HLCS: variants seen among roughly 807,000 people sequenced by gnomAD.
HLCS encodes holocarboxylase synthetase, also known as biotin--protein ligase.
A neutral mutation model predicts 75.0 loss-of-function variants in HLCS; 53 were observed. That is an observed-to-expected ratio of 0.71 (90% CI 0.57 to 0.89). The LOEUF (loss-of-function observed/expected upper bound fraction) is 0.89. HLCS is among the 40% of genes least tolerant of loss of function. The pLI is 0.00. For synonymous variants in HLCS, 431 were observed against 428.6 expected (o/e 1.01, Z -0.07); for missense variants, 966 against 1,074.0 (o/e 0.90, Z 1.41).
At chr21:36,944,379 A>G (rs1186099527) in intron 2 of HLCS, among the ~76,000 whole-genome samples, 2 of 152,204 alleles carry the variant, frequency 1.3e-5, no homozygotes, top group African/African-American at 4.8e-5. Context: ...TTGAATAGAA[A>G]GAGGCGCAAG....
chr21:36,936,098 G>A (rs1392617150), intron 4 of HLCS, among the ~76,000 whole-genome samples: 1 of 152,160 alleles, frequency 6.6e-6, no homozygotes, highest in Non-Finnish European at 1.5e-5. Flanking sequence ...TAACCAAGGG[G>A]TGCTCTAAGG....
At chr21:36,863,002 G>A (rs2063434449) in intron 6 of HLCS, among the ~76,000 whole-genome samples, 4 of 148,442 alleles carry the variant, frequency 2.7e-5, no homozygotes, top group Non-Finnish European at 5.9e-5. Flanking sequence ...GGCCTCAAGC[G>A]ATCCTCCCAC....
rs953116028 is a variant in HLCS, at chr21:36,765,018, C to T, written c.2115G>A (p.Glu705=). 3 of 1,614,102 alleles carry T rather than the reference C, an allele frequency of 1.9e-6. No individual in the cohort carries two copies. Among genetic ancestry groups the T allele is most frequent in the Non-Finnish European group, 2.5e-6 (3 of 1,180,032 alleles). Residue 705 remains glutamate, a synonymous_variant, in exon 8 of 11, where the codon GAG becomes GAA. Coordinates refer to ENST00000674895, the MANE Select transcript of HLCS (RefSeq NM_001352514.2). ...GAGACTGAACTGTACCTACCTGATA[C>T]TCGGGAATGGACCTCACTGCTTCCA... is the stretch of plus-strand genomic sequence containing the variant. The part of the protein sequence containing the change: ...AVVEAVRSIP[E]YQDINLRVKW...
intron 9 of HLCS, among the ~76,000 whole-genome samples, chr21:36,758,794 A>G (rs1348968830): frequency 6.6e-6 from 1 of 152,138 alleles, no homozygotes; most frequent in Admixed American, 6.5e-5. Context: ...CAGCCTGGCC[A>G]ACATAGTGAA....
At chr21:36,908,361 G>C (rs762470043) in intron 5 of HLCS, among the ~76,000 whole-genome samples, 2 of 151,108 alleles carry the variant, frequency 1.3e-5, no homozygotes, top group Non-Finnish European at 2.9e-5. Flanking sequence ...TGCACTGACA[G>C]CCTGGGCAAC....
At chr21:36,899,546 C>T (rs914571629) in intron 5 of HLCS, among the ~76,000 whole-genome samples, 1 of 152,154 alleles carries the variant, frequency 6.6e-6, no homozygotes, top group African/African-American at 2.4e-5. Context: ...ATCTCTTGAA[C>T]CCAGGTGGCG....
intron 5 of HLCS, among the ~76,000 whole-genome samples, chr21:36,920,103 C>T (rs945190061): frequency 6.6e-6 from 1 of 152,010 alleles, no homozygotes; most frequent in Non-Finnish European, 1.5e-5. Flanking sequence ...GAAGCTGAGG[C>T]GGAAGAATTG....
intron 6 of HLCS, among the ~76,000 whole-genome samples, chr21:36,829,034 T>A (rs1207583304): frequency 1.3e-5 from 2 of 152,222 alleles, no homozygotes; most frequent in African/African-American, 2.4e-5. Context: ...TTGTTTTATT[T>A]AACTGGTTCC....
chr21:36,783,137 A>G (rs1187755165), intron 6 of HLCS, among the ~76,000 whole-genome samples: 1 of 152,216 alleles, frequency 6.6e-6, no homozygotes, highest in Non-Finnish European at 1.5e-5. Context: ...TGGCCATACC[A>G]TCAAGGTCAC....
intron 6 of HLCS, among the ~76,000 whole-genome samples, chr21:36,861,586 T>A (rs1042557391): frequency 1.3e-5 from 2 of 152,110 alleles, no homozygotes; most frequent in African/African-American, 4.8e-5. Context: ...ATTGTTCCCC[T>A]CTTTGTGCTC....
At chr21:36,788,520 C>G (rs999374) in intron 6 of HLCS, among the ~76,000 whole-genome samples, 7,476 of 152,256 alleles carry the variant, frequency 0.049, 438 homozygotes, top group African/African-American at 0.14. Context: ...AATGAAACTG[C>G]CTGGAACTTC....
chr21:36,900,131 C>A (rs1055280831), intron 5 of HLCS, among the ~76,000 whole-genome samples: 8 of 150,964 alleles, frequency 5.3e-5, no homozygotes, highest in Non-Finnish European at 7.4e-5. Flanking sequence ...CAAAAAACAA[C>A]AAAAAAAACA....
upstream of HLCS, chr21:36,969,471 T>C (rs1342916239): frequency 3.3e-5 from 5 of 152,158 alleles, no homozygotes; most frequent in African/African-American, 1.2e-4. Flanking sequence ...CACATTAAAG[T>C]TAGAGAAGCA....
intron 6 of HLCS, among the ~76,000 whole-genome samples, chr21:36,780,481 G>C (rs1230140171): frequency 6.6e-6 from 1 of 152,062 alleles, no homozygotes; most frequent in African/African-American, 2.4e-5. Flanking sequence ...GCCTCCCAAA[G>C]TGCTGGGATT....
intron 10 of HLCS, among the ~76,000 whole-genome samples, chr21:36,756,187 C>T (rs572801897): frequency 2.0e-5 from 3 of 152,028 alleles, no homozygotes; most frequent in Admixed American, 1.3e-4. Context: ...ACCTGTAATC[C>T]CAGCACTTTG....
intron 2 of HLCS, chr21:36,948,323 C>G (rs1324440255): frequency 6.8e-6 from 1 of 146,412 alleles, no homozygotes; most frequent in African/African-American, 2.5e-5. Context: ...TTTGAAAATA[C>G]AAGACTAAAG....
intron 1 of HLCS, among the ~76,000 whole-genome samples, chr21:36,972,799 G>T (rs1175798804): frequency 6.6e-6 from 1 of 152,112 alleles, no homozygotes; most frequent in African/African-American, 2.4e-5. Context: ...CTGAGTTTAT[G>T]AATAGTATTG....
chr21:36,818,017 C>T (rs2061713109), intron 6 of HLCS, among the ~76,000 whole-genome samples: 1 of 152,208 alleles, frequency 6.6e-6, no homozygotes, highest in South Asian at 2.1e-4. Flanking sequence ...CTGACCTTCT[C>T]CAAATCAATC....
intron 3 of HLCS, 114 bp downstream of exon 3, chr21:36,938,718 G>A: frequency 9.5e-7 from 1 of 1,048,130 alleles, no homozygotes. Context: ...GCTCAGGCTG[G>A]TCTCGAACTC....
Sources: gnomAD v4.1 joint callset for allele counts (sites outside exome capture counted in the v4.1 genomes callset) on GRCh38, gnomAD v4.1.1 for gene constraint, MANE v1.5 for transcripts, NCBI Gene and HGNC (gene_info 2026-07-23, HGNC 2026-07-21) for gene names.